The following PTPRD variants were observed in gnomAD, a reference collection of about 807,000 sequenced individuals.
PTPRD encodes the protein protein tyrosine phosphatase receptor type D.
Under a neutral mutation model 214.5 loss-of-function variants are expected in PTPRD, and 34 were observed. That is an observed-to-expected ratio of 0.16 (90% confidence interval 0.12 to 0.21). PTPRD has a LOEUF of 0.21. Ranked by LOEUF, PTPRD falls within the 10% of genes least tolerant of loss-of-function variation. PTPRD has a pLI of 1.00. For missense variants in PTPRD, 2,545 were observed against 2,398.7 expected (o/e 1.06, Z -1.27); for synonymous variants, 1,128 against 845.7 (o/e 1.33, Z -5.79).
chr9:8,592,946 A>G (rs559287272), intron 14 of PTPRD, among the ~76,000 whole-genome samples: 2 of 152,350 alleles, frequency 1.3e-5, no homozygotes, highest in East Asian at 3.9e-4. Flanking sequence ...ATAAACAAAT[A>G]TGAAAGCAAT....
chr9:8,764,475 A>T (rs2094583957), intron 11 of PTPRD, among the ~76,000 whole-genome samples: 1 of 152,128 alleles, frequency 6.6e-6, no homozygotes. Context: ...GACACTAAAA[A>T]TACGGACCAT....
intron 9 of PTPRD, among the ~76,000 whole-genome samples, chr9:9,300,944 T>G (rs1464394892): frequency 1.3e-5 from 2 of 151,784 alleles, no homozygotes; most frequent in Non-Finnish European, 1.5e-5. Context: ...GTTTTGTGAG[T>G]GCTTGGATAA....
intron 3 of PTPRD, among the ~76,000 whole-genome samples, chr9:10,124,564 T>A (rs187017037): frequency 4.0e-4 from 61 of 152,330 alleles, no homozygotes; most frequent in African/African-American, 1.4e-3. Context: ...TAGCCCTTCC[T>A]TAGACCTCTT....
chr9:9,086,377 G>T (rs2099767053), intron 10 of PTPRD, among the ~76,000 whole-genome samples: 1 of 152,116 alleles, frequency 6.6e-6, no homozygotes. Context: ...CACACTTTGG[G>T]ACAGTTACTG....
chr9:10,486,937 C>T (rs928418849), intron 2 of PTPRD, among the ~76,000 whole-genome samples: 13 of 152,148 alleles, frequency 8.5e-5, no homozygotes, highest in Non-Finnish European at 1.9e-4. Flanking sequence ...TTGGGGCCTA[C>T]ATCTCTATTT....
intron 10 of PTPRD, among the ~76,000 whole-genome samples, chr9:9,112,861 G>A (rs1472313164): frequency 1.3e-5 from 2 of 152,010 alleles, no homozygotes; most frequent in Non-Finnish European, 2.9e-5. Flanking sequence ...AATTACTTTA[G>A]CAGGTGTTTC....
intron 4 of PTPRD, among the ~76,000 whole-genome samples, chr9:9,943,671 A>G (rs909842263): frequency 6.6e-5 from 10 of 152,150 alleles, no homozygotes; most frequent in African/African-American, 2.2e-4. Flanking sequence ...ATTTCAAGAA[A>G]GCAACATCTG....
chr9:9,991,393 T>A (rs1443298056), intron 4 of PTPRD, among the ~76,000 whole-genome samples: 1 of 150,076 alleles, frequency 6.7e-6, no homozygotes, highest in Non-Finnish European at 1.5e-5. Flanking sequence ...TGGAGTTTTG[T>A]TCTTGTTGCC....
Position 8,521,335 on chromosome 9 carries a change from G to T in PTPRD, c.903C>A (p.Thr301=), listed in dbSNP as rs2138863335. The change falls in exon 20 of 46, where the codon ACC becomes ACA. Residue 301 remains threonine, a synonymous_variant. Coordinates refer to ENST00000381196, the MANE Select transcript of PTPRD (RefSeq NM_002839.4). ...CACCCAGTGTTGACATAGCAACACAGGTGTAATTTGCTGACTGTCTTACAT... is the reference window on the plus strand; with the variant it reads ...CACCCAGTGTTGACATAGCAACACATGTGTAATTTGCTGACTGTCTTACAT... The part of the protein sequence containing the change: ...LNDVRQSANY[T]CVAMSTLGVI... The T allele has an allele frequency of 6.2e-7, 1 of 1,613,938 alleles. No homozygotes were observed. Among genetic ancestry groups the T allele is most frequent in the Non-Finnish European group, 8.5e-7 (1 of 1,179,894 alleles).
chr9:9,423,489 T>G (rs1052750843), intron 8 of PTPRD, among the ~76,000 whole-genome samples: 5 of 152,160 alleles, frequency 3.3e-5, no homozygotes, highest in South Asian at 2.1e-4. Context: ...TAATGATATT[T>G]TGTATGACAA....
rs554100292 is a variant in PTPRD at position 8,557,599 on chromosome 9, C to T, written c.353-28820G>A. 2.0e-5 allele frequency among the ~76,000 whole-genome samples: 3 copies of T among 149,490 alleles called. No homozygotes were observed. In the South Asian group the frequency reaches 6.3e-4, roughly 31 times the overall value. ...CTCTATTAAAAATACAAAAATTAGC[C>T]AGGCATGGTGGTGGGCACCTGTAAT... On this transcript the variant is annotated intron_variant, in intron 14 of 45. Coordinates refer to ENST00000381196, the MANE Select transcript of PTPRD (RefSeq NM_002839.4).
intron 5 of PTPRD, among the ~76,000 whole-genome samples, chr9:9,898,709 A>G (rs1419754225): frequency 6.6e-6 from 1 of 152,102 alleles, no homozygotes. Context: ...TAGAAATGCT[A>G]TGGTCTTAAG....
At chr9:10,045,245 A>T (rs1379056450) in intron 3 of PTPRD, among the ~76,000 whole-genome samples, 1 of 151,818 alleles carries the variant, frequency 6.6e-6, no homozygotes, top group Admixed American at 6.6e-5. Flanking sequence ...AGTTTCTTAA[A>T]TAAAAATAAT....
At chr9:8,418,978 A>G (rs781240665) in intron 35 of PTPRD, among the ~76,000 whole-genome samples, 1 of 152,090 alleles carries the variant, frequency 6.6e-6, no homozygotes, top group Admixed American at 6.6e-5. Context: ...TGGCTCCTTC[A>G]TTCAAAATCA....
intron 8 of PTPRD, among the ~76,000 whole-genome samples, chr9:9,569,556 T>TA (rs947246476): frequency 1.2e-4 from 18 of 151,630 alleles, no homozygotes; most frequent in African/African-American, 4.4e-4. Context: ...AAAGCTCTTT[T>TA]TTTTTCCCTA....
At chr9:10,074,024 T>C (rs1370336230) in intron 3 of PTPRD, among the ~76,000 whole-genome samples, 1 of 152,168 alleles carries the variant, frequency 6.6e-6, no homozygotes, top group Non-Finnish European at 1.5e-5. Context: ...GTGATGCTTA[T>C]AATCACCAAA....
At chr9:8,894,159 G>A (rs1172756932) in intron 11 of PTPRD, among the ~76,000 whole-genome samples, 5 of 152,072 alleles carry the variant, frequency 3.3e-5, no homozygotes, top group South Asian at 2.1e-4. Flanking sequence ...TTTGAGACTA[G>A]CCTGGCTAAT....
chr9:9,947,533 T>TTATATATATATTA (rs1416413687), intron 4 of PTPRD, among the ~76,000 whole-genome samples: 1 of 17,550 alleles, frequency 5.7e-5, no homozygotes, highest in Non-Finnish European at 7.9e-5. Context: ...TATATATATT[T>TTATATATATATTA]TATATATAAT....
chr9:9,146,418 C>A (rs2099868709), intron 10 of PTPRD, among the ~76,000 whole-genome samples: 1 of 152,032 alleles, frequency 6.6e-6, no homozygotes, highest in African/African-American at 2.4e-5. Flanking sequence ...CAATTAGGGT[C>A]TCTGATGTGA....
Sources: gnomAD v4.1 joint callset for allele counts (sites outside exome capture counted in the v4.1 genomes callset) on GRCh38, gnomAD v4.1.1 for gene constraint, MANE v1.5 for transcripts, NCBI Gene and HGNC (gene_info 2026-07-23, HGNC 2026-07-21) for gene names.